Variants in ROR1 observed in about 807,000 individuals in gnomAD.
ROR1 encodes the protein inactive tyrosine-protein kinase transmembrane receptor ROR1.
ROR1 carries 19 observed loss-of-function variants against 78.8 expected under a neutral mutation model. The ratio of observed to expected loss-of-function variants is 0.24; its 90% CI spans 0.17 to 0.35. The LOEUF (loss-of-function observed/expected upper bound fraction) is 0.35. Ranked by LOEUF, ROR1 falls within the 10% of genes least tolerant of loss-of-function variation. The pLI is 1.00. For synonymous variants in ROR1, 386 were observed against 433.6 expected (o/e 0.89, Z 1.36); for missense variants, 917 against 1,177.8 (o/e 0.78, Z 3.24).
intron 1 of ROR1, among the ~76,000 whole-genome samples, chr1:63,985,728 A>T (rs549505246): frequency 3.9e-4 from 59 of 151,052 alleles, no homozygotes; most frequent in African/African-American, 1.4e-3. Context: ...AAAAAATAAT[A>T]ATTATTATTA....
chr1:63,843,947 G>A (rs916592030), intron 1 of ROR1, among the ~76,000 whole-genome samples: 1 of 152,046 alleles, frequency 6.6e-6, no homozygotes, highest in Non-Finnish European at 1.5e-5. Flanking sequence ...GCCATTTACT[G>A]CCTGCCTATT....
At chr1:63,825,371 C>T (rs1644947092) in intron 1 of ROR1, among the ~76,000 whole-genome samples, 1 of 152,150 alleles carries the variant, frequency 6.6e-6, no homozygotes, top group Non-Finnish European at 1.5e-5. Flanking sequence ...TAAAGAGAGG[C>T]TACCACATGG....
chr1:64,030,566 T>C lies in ROR1; in HGVS notation c.164-19125T>C, dbSNP rs77516815. Among the ~76,000 whole-genome samples, 612 of 152,340 alleles carry C rather than the reference T, an allele frequency of 4.0e-3. 1 individual carries two copies. The highest frequency in any genetic ancestry group is 6.8e-3 in the South Asian group (33 of 4,826). ...CCTACCTCCGTCACTCATTCCTTCATGGAGAAGTAATCTCCCTTTCTCTAG... is the reference window on the plus strand; with the variant it reads ...CCTACCTCCGTCACTCATTCCTTCACGGAGAAGTAATCTCCCTTTCTCTAG... On this transcript the variant is annotated intron_variant, in intron 2 of 8. Coordinates refer to ENST00000371079, the MANE Select transcript of ROR1 (RefSeq NM_005012.4).
chr1:63,886,919 T>C (rs1325222365), intron 1 of ROR1, among the ~76,000 whole-genome samples: 1 of 152,122 alleles, frequency 6.6e-6, no homozygotes, highest in African/African-American at 2.4e-5. Flanking sequence ...ATTATTGCAG[T>C]TACCTGGATA....
intron 7 of ROR1, among the ~76,000 whole-genome samples, chr1:64,144,457 C>T (rs1056941869): frequency 6.6e-6 from 1 of 152,142 alleles, no homozygotes; most frequent in Non-Finnish European, 1.5e-5. Context: ...AATGTCAGTG[C>T]AAGACAATGA....
chr1:64,119,616 G>A (rs1212981009), intron 4 of ROR1, among the ~76,000 whole-genome samples: 1 of 147,592 alleles, frequency 6.8e-6, no homozygotes, highest in African/African-American at 2.5e-5. Flanking sequence ...TCCAGCCTGG[G>A]TGACAGAGCG....
intron 1 of ROR1, among the ~76,000 whole-genome samples, chr1:63,801,780 T>C (rs1463811789): frequency 6.6e-6 from 1 of 152,242 alleles, no homozygotes; most frequent in Non-Finnish European, 1.5e-5. Context: ...TTAACTATTT[T>C]ATCTCACTTT....
At chr1:63,828,116 C>CACTTAAT (rs1301384564) in intron 1 of ROR1, among the ~76,000 whole-genome samples, 1 of 152,104 alleles carries the variant, frequency 6.6e-6, no homozygotes. Context: ...AAAAAAATTC[C>CACTTAAT]ACTTAATAAA....
At chr1:63,836,947 A>G (rs1210668881) in intron 1 of ROR1, among the ~76,000 whole-genome samples, 2 of 152,200 alleles carry the variant, frequency 1.3e-5, no homozygotes, top group Non-Finnish European at 2.9e-5. Context: ...GCGTGTTTGA[A>G]TTATCTGTTA....
At chr1:64,019,792 T>G (rs1646549634) in intron 2 of ROR1, among the ~76,000 whole-genome samples, 1 of 152,208 alleles carries the variant, frequency 6.6e-6, no homozygotes, top group Admixed American at 6.5e-5. Context: ...AATAGTGACA[T>G]CCTGCCTGCA....
intron 1 of ROR1, among the ~76,000 whole-genome samples, chr1:63,968,790 C>T (rs1646096250): frequency 6.6e-6 from 1 of 152,152 alleles, no homozygotes; most frequent in Non-Finnish European, 1.5e-5. Context: ...GAAGGTCACC[C>T]TGTAAACTTT....
intron 1 of ROR1, among the ~76,000 whole-genome samples, chr1:64,000,080 G>A (rs1298342882): frequency 1.3e-5 from 2 of 152,090 alleles, no homozygotes; most frequent in East Asian, 1.9e-4. Flanking sequence ...GCCATACAAA[G>A]GGGAAAATGA....
intron 4 of ROR1, among the ~76,000 whole-genome samples, chr1:64,099,663 G>C (rs911771901): frequency 1.3e-5 from 2 of 152,112 alleles, no homozygotes; most frequent in African/African-American, 4.8e-5. Context: ...GTCTTTTTCC[G>C]ACAGTAAATT....
intron 1 of ROR1, among the ~76,000 whole-genome samples, chr1:63,954,934 C>G (rs192085692): frequency 6.6e-6 from 1 of 151,984 alleles, no homozygotes; most frequent in African/African-American, 2.4e-5. Flanking sequence ...AAGAAGTTAA[C>G]GAAAAACATG....
chr1:63,900,116 G>A (rs1430987029), intron 1 of ROR1, among the ~76,000 whole-genome samples: 2 of 152,038 alleles, frequency 1.3e-5, no homozygotes, highest in African/African-American at 4.8e-5. Context: ...ACTCTGATTA[G>A]TTTGAAGAAA....
chr1:64,095,392 A>G (rs1013576708), intron 4 of ROR1, among the ~76,000 whole-genome samples: 1 of 152,230 alleles, frequency 6.6e-6, no homozygotes, highest in African/African-American at 2.4e-5. Flanking sequence ...TTATGGTACT[A>G]TGTATTCATA....
chr1:63,828,776 C>T (rs1644969988), intron 1 of ROR1, among the ~76,000 whole-genome samples: 1 of 152,340 alleles, frequency 6.6e-6, no homozygotes, highest in East Asian at 1.9e-4. Flanking sequence ...CTATTCTCCT[C>T]TCCAAGATGC....
At chr1:63,985,728 AATT>A (rs891337437) in intron 1 of ROR1, among the ~76,000 whole-genome samples, 11 of 151,052 alleles carry the variant, frequency 7.3e-5, no homozygotes, top group African/African-American at 1.2e-4. Flanking sequence ...AAAAAATAAT[AATT>A]ATTATTATTT....
rs1228329421 is a variant in ROR1, at chr1:63,862,422, A to ATTTTGTTT, written c.91+87916_91+87923dup. ...AAAAAAAAAAAAAAAAAAGAAATACATTTTGTTTTATTGCAGGCAGGATAC... is the reference window on the plus strand; with the variant it reads ...AAAAAAAAAAAAAAAAAAGAAATACATTTTGTTTTTTTGTTTTATTGCAGGCAGGATAC... On this transcript the variant is annotated intron_variant, in intron 1 of 8. Coordinates refer to ENST00000371079, the MANE Select transcript of ROR1 (RefSeq NM_005012.4). Among the ~76,000 whole-genome samples the ATTTTGTTT allele has an allele frequency of 1.3e-4, 20 of 149,934 alleles. No individual in the cohort carries two copies. In the East Asian group the frequency reaches 3.9e-3, roughly 29 times the overall value.
Sources: allele counts gnomAD v4.1 joint callset (sites outside exome capture counted in the v4.1 genomes callset), GRCh38; gene constraint gnomAD v4.1.1; transcripts MANE v1.5; gene names NCBI Gene and HGNC (gene_info 2026-07-23, HGNC 2026-07-21).